CSNK2A1: variants seen among roughly 807,000 people sequenced by gnomAD.
CSNK2A1 encodes the protein casein kinase II subunit alpha.
Under a neutral mutation model 62.9 loss-of-function variants are expected in CSNK2A1, and 10 were observed. That is an observed-to-expected ratio of 0.16 (90% CI 0.10 to 0.27). CSNK2A1 has a LOEUF of 0.27. Among genes scored for constraint, CSNK2A1 ranks in the 10% least tolerant of loss-of-function variants. The probability of loss-of-function intolerance (pLI) is 1.00; values close to 1 mark genes in which losing one functional copy is unlikely to be tolerated. For missense variants in CSNK2A1, 160 were observed against 492.0 expected (o/e 0.33, Z 6.38); for synonymous variants, 124 against 167.8 (o/e 0.74, Z 2.02).
intron 7 of CSNK2A1, chr20:496,019 T>G (rs986090104): frequency 4.6e-5 from 23 of 502,006 alleles, no homozygotes; most frequent in Non-Finnish European, 6.5e-5. Flanking sequence ...TCTGACACAG[T>G]TGTTTCAACA....
intron 1 of CSNK2A1, chr20:539,435 CCCT>C (rs1291405443): frequency 6.6e-6 from 1 of 152,166 alleles, no homozygotes; most frequent in African/African-American, 2.4e-5. Context: ...CAATCTGGTC[CCCT>C]CCAGTAACGG....
At chr20:492,900 G>A (rs1326589854) in intron 8 of CSNK2A1, among the ~76,000 whole-genome samples, 1 of 152,108 alleles carries the variant, frequency 6.6e-6, no homozygotes, top group Non-Finnish European at 1.5e-5. Context: ...CTGGATAGAT[G>A]AAATAACAGA....
At chr20:532,832 T>C (rs1264815967) in intron 1 of CSNK2A1, among the ~76,000 whole-genome samples, 1 of 152,146 alleles carries the variant, frequency 6.6e-6, no homozygotes, top group Non-Finnish European at 1.5e-5. Flanking sequence ...CCATTTCGTC[T>C]GGAAGATCAT....
At chr20:524,470 T>G (rs1030547032) in intron 2 of CSNK2A1, among the ~76,000 whole-genome samples, 1 of 147,286 alleles carries the variant, frequency 6.8e-6, no homozygotes, top group Non-Finnish European at 1.5e-5. Context: ...AAGAGATACA[T>G]CTAGGCCAGG....
chr20:505,782 T>C (rs892101847), intron 3 of CSNK2A1: 1 of 152,068 alleles, frequency 6.6e-6, no homozygotes, highest in Non-Finnish European at 1.5e-5. Context: ...TACATCTTTA[T>C]TGGCACATGA....
At chr20:542,968 C>G (rs2019485073) in intron 1 of CSNK2A1, 2 of 152,346 alleles carry the variant, frequency 1.3e-5, no homozygotes, top group Admixed American at 1.3e-4. Context: ...GCAAAAAACA[C>G]ACAACGAAAA....
intron 3 of CSNK2A1, chr20:507,237 G>A (rs988795085): frequency 6.6e-6 from 1 of 152,032 alleles, no homozygotes; most frequent in Non-Finnish European, 1.5e-5. Context: ...ACTGCAGCCA[G>A]GGCAACAGAG....
In CSNK2A1 at chr20:479,951, A is replaced by C. The variant is rs1414110208; in HGVS notation, c.*4010T>G. 6.6e-6 allele frequency: 1 copy of C among 152,224 alleles called. No individual in the cohort carries two copies. Among genetic ancestry groups the C allele is most frequent in the Non-Finnish European group, 1.5e-5 (1 of 68,040 alleles). 9.4% of individuals were successfully genotyped at this position (152,224 alleles called of 1,614,324 possible). ...TATTCCAAAAATCCAAAAAAATTCA[A>C]AACACTTCTGGTCCCAACCATTTTG... On this transcript the variant is annotated 3_prime_UTR_variant, in exon 14 of 14. Coordinates refer to ENST00000217244, the MANE Select transcript of CSNK2A1 (RefSeq NM_177559.3).
rs2017879848 is a variant in CSNK2A1 at position 477,900 on chromosome 20, A to C, written c.*6061T>G. 1 of 152,034 alleles carries C rather than the reference A, an allele frequency of 6.6e-6. No individual in the cohort carries two copies. The highest frequency in any genetic ancestry group is 2.1e-4 in the South Asian group (1 of 4,822). 9.4% of individuals were successfully genotyped at this position (152,034 alleles called of 1,614,324 possible). A position where few individuals can be genotyped will look rare whatever the true frequency, so the allele number is the denominator to read the frequency against. On this transcript the variant is annotated 3_prime_UTR_variant, in exon 14 of 14. Coordinates refer to ENST00000217244, the MANE Select transcript of CSNK2A1 (RefSeq NM_177559.3). ...CCTGTCTCAAAAACAAAACAAACAAACAAAACAAAACAAAACAAAAAAACC... is the reference window on the plus strand; with the variant it reads ...CCTGTCTCAAAAACAAAACAAACAACCAAAACAAAACAAAACAAAAAAACC...
At chr20:523,646 C>T (rs2018995487) in intron 2 of CSNK2A1, among the ~76,000 whole-genome samples, 1 of 152,080 alleles carries the variant, frequency 6.6e-6, no homozygotes, top group Admixed American at 6.5e-5. Flanking sequence ...AATCCCAGCA[C>T]TTTGGGAGGC....
chr20:533,436 T>C (rs924636401), intron 1 of CSNK2A1, among the ~76,000 whole-genome samples: 9 of 152,136 alleles, frequency 5.9e-5, no homozygotes, highest in Non-Finnish European at 1.3e-4. Context: ...ACATGTTTGT[T>C]TTTAAAAACA....
chr20:514,919 T>A (rs1314713784), intron 2 of CSNK2A1, among the ~76,000 whole-genome samples: 1 of 152,204 alleles, frequency 6.6e-6, no homozygotes. Flanking sequence ...CCATCTACTA[T>A]GAAAAAGTAC....
chr20:506,536 C>T (rs1190046581), intron 3 of CSNK2A1: 1 of 152,206 alleles, frequency 6.6e-6, no homozygotes, highest in Non-Finnish European at 1.5e-5. Flanking sequence ...CCCCTGCCTG[C>T]TTCCAATGTA....
chr20:523,312 G>A lies in CSNK2A1; in HGVS notation c.-110+4621C>T, dbSNP rs79395871. 8.3e-3 allele frequency among the ~76,000 whole-genome samples: 1,270 copies of A among 152,124 alleles called. 10 individuals are homozygous for A. Among genetic ancestry groups the A allele is most frequent in the Non-Finnish European group, 0.012 (826 of 68,004 alleles). On this transcript the variant is annotated intron_variant, in intron 2 of 13. Coordinates refer to ENST00000217244, the MANE Select transcript of CSNK2A1 (RefSeq NM_177559.3). Reference sequence around the variant, plus strand: ...ATCCAACTCACAGTTATTTACCCTAGAAAAATGAAAACTTAGGTCCACAAA... The same window carrying A: ...ATCCAACTCACAGTTATTTACCCTAAAAAAATGAAAACTTAGGTCCACAAA...
intron 6 of CSNK2A1, chr20:498,713 C>A (rs2018396655): frequency 6.6e-6 from 1 of 152,148 alleles, no homozygotes; most frequent in African/African-American, 2.4e-5. Context: ...TAGCTATATT[C>A]TTCTGTAAAA....
At chr20:524,814 T>A (rs1021818487) in intron 2 of CSNK2A1, among the ~76,000 whole-genome samples, 2 of 151,926 alleles carry the variant, frequency 1.3e-5, no homozygotes, top group African/African-American at 4.8e-5. Flanking sequence ...CATAAATATG[T>A]ACAATTATGT....
At chr20:489,374 A>G (rs2018167746) in intron 10 of CSNK2A1, 3 of 229,452 alleles carry the variant, frequency 1.3e-5, no homozygotes, top group Non-Finnish European at 2.5e-5. Flanking sequence ...TGAATGAAAG[A>G]GCCCTTTGAT....
At position 475,114 on chromosome 20, in the gene CSNK2A1, C is replaced by T. The variant is rs552683939; in HGVS notation, c.*8847G>A. ...AGTGGAATGTTGTGTTGTTTCTGGC[C>T]ATGGAGTCTCAAAGACTGATTCTCA... On this transcript the variant is annotated 3_prime_UTR_variant, in exon 14 of 14. Transcript: ENST00000217244. 2 of 152,242 alleles carry T rather than the reference C, an allele frequency of 1.3e-5. No individual in the cohort carries two copies. Among genetic ancestry groups the T allele is most frequent in the South Asian group, 4.2e-4 (2 of 4,814 alleles). The allele number at this position is 152,242 out of a possible 1,614,324, so 9.4% of individuals were successfully genotyped here. A position where few individuals can be genotyped will look rare whatever the true frequency, so the allele number is the denominator to read the frequency against.
intron 2 of CSNK2A1, among the ~76,000 whole-genome samples, chr20:518,837 G>T (rs1432898871): frequency 6.7e-6 from 1 of 150,078 alleles, no homozygotes; most frequent in African/African-American, 2.5e-5. Context: ...TTACAGGTGT[G>T]AGCCACCGCA....
Sources: allele counts gnomAD v4.1 joint callset (sites outside exome capture counted in the v4.1 genomes callset), GRCh38; gene constraint gnomAD v4.1.1; transcripts MANE v1.5; gene names NCBI Gene and HGNC (gene_info 2026-07-23, HGNC 2026-07-21).